Variants in GPHN observed in about 807,000 individuals in gnomAD.
GPHN encodes gephyrin.
A neutral mutation model predicts 95.5 loss-of-function variants in GPHN; 17 were observed. The ratio of observed to expected loss-of-function variants is 0.18; its 90% CI spans 0.12 to 0.27. The LOEUF (loss-of-function observed/expected upper bound fraction) is 0.27, where lower values mean the gene tolerates loss of function less well. Ranked by LOEUF, GPHN falls within the 10% of genes least tolerant of loss-of-function variation. GPHN has a pLI of 1.00. For synonymous variants in GPHN, 320 were observed against 322.5 expected, an observed-to-expected ratio of 0.99 and a Z score of 0.08; for missense variants, 660 against 978.1, an observed-to-expected ratio of 0.67 and a Z score of 4.34.
At chr14:66,615,859 A>C (rs2062993740) in intron 1 of GPHN, among the ~76,000 whole-genome samples, 1 of 151,138 alleles carries the variant, frequency 6.6e-6, no homozygotes, top group Non-Finnish European at 1.5e-5. Flanking sequence ...TTTGGGTTTT[A>C]CATTTAAGTC....
chr14:66,554,584 C>T (rs951180581), intron 1 of GPHN, among the ~76,000 whole-genome samples: 10 of 152,246 alleles, frequency 6.6e-5, no homozygotes, highest in East Asian at 1.9e-4. Flanking sequence ...AGAATTCATT[C>T]GCTATCACAA....
intron 1 of GPHN, among the ~76,000 whole-genome samples, chr14:66,582,278 C>A (rs561095388): frequency 3.3e-5 from 5 of 151,632 alleles, no homozygotes; most frequent in Non-Finnish European, 7.4e-5. Context: ...CCCTAAACAA[C>A]CAAGAGTAAA....
At chr14:66,632,210 A>C (rs2063844020) in intron 1 of GPHN, among the ~76,000 whole-genome samples, 1 of 152,164 alleles carries the variant, frequency 6.6e-6, no homozygotes, top group Admixed American at 6.5e-5. Flanking sequence ...TAAGTGATGC[A>C]CTTGGTACAG....
chr14:67,144,286 T>TACATATATATATATATATATAC (rs2080764080), intron 18 of GPHN, among the ~76,000 whole-genome samples: 2 of 78,124 alleles, frequency 2.6e-5, no homozygotes, highest in South Asian at 4.5e-4. Flanking sequence ...TATATATATA[T>TACATATATATATATATATATAC]ACACACACAC....
the GPHN span, among the ~76,000 whole-genome samples, chr14:67,430,790 T>A: frequency 3.9e-5 from 6 of 152,232 alleles, no homozygotes; most frequent in African/African-American, 1.4e-4. Context: ...GAGCTCCTCA[T>A]TAAGTGGACC....
chr14:66,562,310 A>G (rs2060287765), intron 1 of GPHN, among the ~76,000 whole-genome samples: 1 of 152,182 alleles, frequency 6.6e-6, no homozygotes, highest in Non-Finnish European at 1.5e-5. Flanking sequence ...TTATTCAGAC[A>G]GTAGGTCTTA....
At chr14:67,231,624 T>C in the GPHN span, among the ~76,000 whole-genome samples, 6 of 152,148 alleles carry the variant, frequency 3.9e-5, no homozygotes, top group Non-Finnish European at 7.3e-5. Flanking sequence ...TTAGTGTGTA[T>C]ATTTATCCAA....
At chr14:66,954,531 G>A (rs1227199372) in intron 8 of GPHN, among the ~76,000 whole-genome samples, 1 of 152,042 alleles carries the variant, frequency 6.6e-6, no homozygotes, top group Non-Finnish European at 1.5e-5. Flanking sequence ...TTCTTTTTGT[G>A]GATGTTTCAG....
At chr14:66,622,809 A>G (rs2063362064) in intron 1 of GPHN, among the ~76,000 whole-genome samples, 1 of 152,118 alleles carries the variant, frequency 6.6e-6, no homozygotes, top group Admixed American at 6.5e-5. Context: ...TTTTGTTCAT[A>G]TCACTATCAG....
intron 1 of GPHN, among the ~76,000 whole-genome samples, chr14:66,616,386 A>C (rs2063034168): frequency 6.7e-6 from 1 of 148,726 alleles, no homozygotes; most frequent in Non-Finnish European, 1.5e-5. Flanking sequence ...TGACCCATGG[A>C]TGGGTCAGCT....
chr14:66,683,986 A>C (rs535556725), intron 2 of GPHN, among the ~76,000 whole-genome samples: 58 of 152,210 alleles, frequency 3.8e-4, no homozygotes, highest in African/African-American at 1.3e-3. Flanking sequence ...AAAAAAAAAA[A>C]AAAACTCCTC....
chr14:66,898,491 A>AAG (rs60427233), intron 5 of GPHN, among the ~76,000 whole-genome samples: 1 of 147,970 alleles, frequency 6.8e-6, no homozygotes, highest in African/African-American at 2.5e-5. Flanking sequence ...AAAAAAAAAA[A>AAG]GCTACCTTTC....
chr14:67,638,384 A>C, the GPHN span, among the ~76,000 whole-genome samples: 12 of 152,130 alleles, frequency 7.9e-5, no homozygotes, highest in African/African-American at 2.4e-4. Flanking sequence ...AAAAAAGAAA[A>C]AAAATGATTA....
chr14:66,745,886 A>G (rs1232105725), intron 2 of GPHN, among the ~76,000 whole-genome samples: 1 of 152,018 alleles, frequency 6.6e-6, no homozygotes, highest in Non-Finnish European at 1.5e-5. Flanking sequence ...CCTGCCTATC[A>G]CAGATCTGTT....
chr14:66,872,640 A>T (rs1596227642), intron 4 of GPHN, among the ~76,000 whole-genome samples: 1 of 152,224 alleles, frequency 6.6e-6, no homozygotes, highest in East Asian at 1.9e-4. Flanking sequence ...TATGCCTGTA[A>T]TCCCAGTACT....
At chr14:67,438,491 A>G in the GPHN span, among the ~76,000 whole-genome samples, 1 of 152,068 alleles carries the variant, frequency 6.6e-6, no homozygotes, top group Non-Finnish European at 1.5e-5. Context: ...TGGGCAGGTC[A>G]CCTCTCTAAA....
At chr14:67,600,168 GCCGCA>G in the GPHN span, 1 of 1,589,840 alleles carries the variant, frequency 6.3e-7, no homozygotes, top group Non-Finnish European at 8.6e-7. Flanking sequence ...CCAGGCGGCC[GCCGCA>G]GATATCCGAA....
chr14:67,531,134 G>A, the GPHN span, among the ~76,000 whole-genome samples: 1 of 152,278 alleles, frequency 6.6e-6, no homozygotes, highest in South Asian at 2.1e-4. Flanking sequence ...AAAGAAAGGG[G>A]CTCTAGGGGT....
At chr14:67,447,033 G>C in the GPHN span, 1 of 152,074 alleles carries the variant, frequency 6.6e-6, no homozygotes, top group Non-Finnish European at 1.5e-5. Context: ...GTCCATATGG[G>C]GAGTGTCTTA....
Sources: gnomAD v4.1 joint callset for allele counts (sites outside exome capture counted in the v4.1 genomes callset) on GRCh38, gnomAD v4.1.1 for gene constraint, MANE v1.5 for transcripts, NCBI Gene and HGNC (gene_info 2026-07-23, HGNC 2026-07-21) for gene names.